Variants in MRTFA observed in about 807,000 individuals in gnomAD.
The protein encoded by MRTFA is myocardin-related transcription factor A.
Under a neutral mutation model 83.5 loss-of-function variants are expected in MRTFA, and 20 were observed. The observed-to-expected ratio is 0.24, with a 90% confidence interval of 0.17 to 0.35. The LOEUF is 0.35. MRTFA is among the 10% of genes least tolerant of loss of function. MRTFA has a pLI of 1.00. For synonymous variants in MRTFA, 659 were observed against 541.2 expected (o/e 1.22, Z -3.02); for missense variants, 1,200 against 1,224.7 (o/e 0.98, Z 0.30).
chr22:40,535,373 A>AGACT (rs2055152903), intron 3 of MRTFA, among the ~76,000 whole-genome samples: 1 of 19,194 alleles, frequency 5.2e-5, no homozygotes, highest in Non-Finnish European at 1.0e-4. Flanking sequence ...TTTCTTTTTG[A>AGACT]GACTAGGTCT....
At chr22:40,504,639 A>T (rs993780172) in intron 3 of MRTFA, among the ~76,000 whole-genome samples, 1 of 152,252 alleles carries the variant, frequency 6.6e-6, no homozygotes, top group African/African-American at 2.4e-5. Flanking sequence ...AAATGTAAGC[A>T]ATCTAAATGA....
chr22:40,501,866 A>G (rs2054484201), intron 3 of MRTFA, among the ~76,000 whole-genome samples: 1 of 52,580 alleles, frequency 1.9e-5, no homozygotes, highest in Admixed American at 1.5e-4. Flanking sequence ...TGACCCCCCA[A>G]CCTCCCTCCC....
chr22:40,508,429 T>A (rs895729044), intron 3 of MRTFA, among the ~76,000 whole-genome samples: 2 of 149,518 alleles, frequency 1.3e-5, no homozygotes, highest in African/African-American at 2.5e-5. Flanking sequence ...GGAGAATTGT[T>A]TGAACTCGGG....
intron 2 of MRTFA, among the ~76,000 whole-genome samples, chr22:40,568,048 C>A (rs1184171983): frequency 6.6e-6 from 1 of 152,102 alleles, no homozygotes; most frequent in African/African-American, 2.4e-5. Context: ...AACACAGCAA[C>A]ACACACTCAG....
At chr22:40,434,245 C>T (rs1021956397) in intron 5 of MRTFA, among the ~76,000 whole-genome samples, 7 of 152,138 alleles carry the variant, frequency 4.6e-5, no homozygotes, top group Admixed American at 2.6e-4. Context: ...CAACACTGTA[C>T]TCTCCAGTGC....
chr22:40,414,005 G>A (rs1329770273), intron 14 of MRTFA, among the ~76,000 whole-genome samples: 1 of 152,182 alleles, frequency 6.6e-6, no homozygotes, highest in South Asian at 2.1e-4. Flanking sequence ...CAGCTGCAGT[G>A]GACACAGTTT....
intron 2 of MRTFA, among the ~76,000 whole-genome samples, chr22:40,581,649 T>C (rs1169760102): frequency 6.6e-6 from 1 of 152,182 alleles, no homozygotes; most frequent in East Asian, 1.9e-4. Flanking sequence ...ATAATATATA[T>C]ACAACTTATT....
At chr22:40,553,835 TAGACACTCA>T (rs1243029722) in intron 2 of MRTFA, among the ~76,000 whole-genome samples, 1 of 152,114 alleles carries the variant, frequency 6.6e-6, no homozygotes, top group Non-Finnish European at 1.5e-5. Context: ...GGAAAAGCTG[TAGACACTCA>T]ACATCAGCCC....
chr22:40,461,155 T>C (rs1248456723), intron 4 of MRTFA, among the ~76,000 whole-genome samples: 1 of 133,116 alleles, frequency 7.5e-6, no homozygotes, highest in African/African-American at 2.9e-5. Flanking sequence ...CAGTGAGCCA[T>C]GATCATGCCA....
intron 1 of MRTFA, among the ~76,000 whole-genome samples, chr22:40,626,792 G>T (rs538393895): frequency 6.6e-6 from 1 of 151,920 alleles, no homozygotes; most frequent in East Asian, 1.9e-4. Context: ...TTGAGGCCAG[G>T]GGTTCAAGGT....
chr22:40,534,344 CT>C (rs1398586120), intron 3 of MRTFA, among the ~76,000 whole-genome samples: 1 of 152,212 alleles, frequency 6.6e-6, no homozygotes, highest in African/African-American at 2.4e-5. Flanking sequence ...CATTCCAGAG[CT>C]GTAATCTGTC....
intron 4 of MRTFA, among the ~76,000 whole-genome samples, chr22:40,456,312 T>C (rs1340332896): frequency 6.6e-6 from 1 of 151,616 alleles, no homozygotes; most frequent in African/African-American, 2.4e-5. Context: ...CTGAAACTTC[T>C]GTAAAAAAAA....
intron 3 of MRTFA, among the ~76,000 whole-genome samples, chr22:40,529,356 G>A (rs1159356945): frequency 3.9e-5 from 6 of 152,012 alleles, no homozygotes; most frequent in Admixed American, 6.6e-5. Flanking sequence ...TTGCTGTGTC[G>A]CCCTGGCTGG....
intron 1 of MRTFA, among the ~76,000 whole-genome samples, chr22:40,624,791 T>C (rs1247063185): frequency 1.3e-5 from 2 of 152,238 alleles, no homozygotes; most frequent in Non-Finnish European, 2.9e-5. Flanking sequence ...AAATAAAATG[T>C]CATGATTAGC....
intron 3 of MRTFA, among the ~76,000 whole-genome samples, chr22:40,514,514 G>C (rs143315697): frequency 4.9e-4 from 71 of 143,456 alleles, no homozygotes; most frequent in African/African-American, 1.8e-3. Flanking sequence ...TCACTCTGTC[G>C]CCCAGGCTGG....
intron 1 of MRTFA, among the ~76,000 whole-genome samples, chr22:40,599,977 C>G (rs917827024): frequency 9.7e-6 from 1 of 102,664 alleles, no homozygotes; most frequent in Non-Finnish European, 2.1e-5. Context: ...GGAAGAAAGA[C>G]AAAAGAAAAT....
intron 3 of MRTFA, among the ~76,000 whole-genome samples, chr22:40,488,756 C>T (rs908411506): frequency 3.3e-5 from 5 of 152,032 alleles, no homozygotes; most frequent in African/African-American, 1.2e-4. Flanking sequence ...TCACTTAAAC[C>T]CTGGACATGG....
At chr22:40,628,850 T>C (rs73169089) in intron 1 of MRTFA, among the ~76,000 whole-genome samples, 12,357 of 152,080 alleles carry the variant, frequency 0.081, 730 homozygotes, top group East Asian at 0.25. Flanking sequence ...TGGACTTGAG[T>C]CATGAACCAC....
At chr22:40,613,637 C>T (rs893790153) in intron 1 of MRTFA, among the ~76,000 whole-genome samples, 1 of 151,918 alleles carries the variant, frequency 6.6e-6, no homozygotes, top group Non-Finnish European at 1.5e-5. Context: ...AGAAGGATTG[C>T]TTGGGCCTAG....
Sources: gnomAD v4.1 joint callset for allele counts (sites outside exome capture counted in the v4.1 genomes callset) on GRCh38, gnomAD v4.1.1 for gene constraint, MANE v1.5 for transcripts, NCBI Gene and HGNC (gene_info 2026-07-23, HGNC 2026-07-21) for gene names.